KLF12: variants seen among roughly 807,000 people sequenced by gnomAD.
The protein encoded by KLF12 is KLF transcription factor 12, also known as Krueppel-like factor 12.
KLF12 carries 9 observed loss-of-function variants against 37.8 expected under a neutral mutation model. The observed-to-expected ratio is 0.24, with a 90% confidence interval of 0.14 to 0.42. KLF12 has a LOEUF of 0.42. Ranked by LOEUF, KLF12 falls within the 10% of genes least tolerant of loss-of-function variation. The pLI is 1.00. For synonymous variants in KLF12, 208 were observed against 202.1 expected, an observed-to-expected ratio of 1.03 and a Z score of -0.25; for missense variants, 411 against 516.0, an observed-to-expected ratio of 0.80 and a Z score of 1.97.
chr13:74,301,387 T>C, the KLF12 span, among the ~76,000 whole-genome samples: 1 of 152,166 alleles, frequency 6.6e-6, no homozygotes, highest in Admixed American at 6.6e-5. Flanking sequence ...CAATACAGCA[T>C]TTTGTTATTG....
rs185403563 is a variant in KLF12 at position 73,899,007 on chromosome 13, T to C, written c.123+44974A>G. ...TGCAGCAGAAAGAGGCAATGAAGTG[T>C]GATTCTGGTGGCAACAGTGGAGGAA... On this transcript the variant is annotated intron_variant, in intron 3 of 7. Transcript: ENST00000377669. Among the ~76,000 whole-genome samples the C allele has an allele frequency of 1.2e-4, 19 of 152,268 alleles. No homozygotes were observed. The East Asian group carries it at 3.7e-3, about 29-fold the overall frequency.
At chr13:74,159,694 AT>A in the KLF12 span, among the ~76,000 whole-genome samples, 16 of 151,656 alleles carry the variant, frequency 1.1e-4, no homozygotes, top group South Asian at 1.7e-3. Flanking sequence ...CTGCTCTAAA[AT>A]TTTTTTTTCA....
At position 73,819,674 on chromosome 13, in the gene KLF12, C is replaced by G. The variant is rs114238903; in HGVS notation, c.671-6387G>C. ...CAAAAAAGAAAAATATATACTACGT[C>G]AGATAGTAAGTGCCATATAGAAAAA... On this transcript the variant is annotated intron_variant, in intron 4 of 7. Transcript: ENST00000377669. 7.0e-3 allele frequency among the ~76,000 whole-genome samples: 1,070 copies of G among 152,210 alleles called. 10 individuals are homozygous for G. The highest frequency in any genetic ancestry group is 0.022 in the African/African-American group (924 of 41,532).
chr13:74,177,159 G>A, the KLF12 span, among the ~76,000 whole-genome samples: 1,659 of 152,206 alleles, frequency 0.011, 37 homozygotes, highest in African/African-American at 0.038. Context: ...TCTGTTCTAC[G>A]ATAGGGAAGG....
the KLF12 span, among the ~76,000 whole-genome samples, chr13:74,272,803 C>T: frequency 6.6e-6 from 1 of 152,048 alleles, no homozygotes; most frequent in East Asian, 1.9e-4. Context: ...GTTTAGGAAA[C>T]TCAAGAAGTA....
Position 73,694,134 on chromosome 13 carries a change from G to C in KLF12, c.*1356C>G, listed in dbSNP as rs2137536021. The C allele has an allele frequency of 6.5e-6, 1 of 152,728 alleles. No homozygotes were observed. The highest frequency in any genetic ancestry group is 3.4e-3 in the Middle Eastern group (1 of 294). The allele number at this position is 152,728 out of a possible 1,614,324, so 9.5% of individuals were successfully genotyped here. ...GAGTCACTTATCCTTGGCTCTCCAAGAGAGGAAACTAGCACCATGTCGGGC... is the reference window on the plus strand; with the variant it reads ...GAGTCACTTATCCTTGGCTCTCCAACAGAGGAAACTAGCACCATGTCGGGC... On this transcript the variant is annotated 3_prime_UTR_variant, in exon 8 of 8. Transcript: ENST00000377669.
At chr13:73,714,852 C>T (rs1335854277) in intron 7 of KLF12, among the ~76,000 whole-genome samples, 2 of 152,070 alleles carry the variant, frequency 1.3e-5, no homozygotes, top group Non-Finnish European at 2.9e-5. Flanking sequence ...AACTCCTCTC[C>T]CTATATAAAA....
the KLF12 span, among the ~76,000 whole-genome samples, chr13:74,224,792 ATTG>A: frequency 6.6e-6 from 1 of 152,212 alleles, no homozygotes; most frequent in Admixed American, 6.5e-5. Flanking sequence ...TAAGATGGAT[ATTG>A]TTGTAATTTT....
At chr13:73,933,174 T>A (rs774044764) in intron 3 of KLF12, among the ~76,000 whole-genome samples, 4 of 152,180 alleles carry the variant, frequency 2.6e-5, no homozygotes, top group Non-Finnish European at 5.9e-5. Context: ...TGAATTGACA[T>A]CCTTATTATG....
chr13:74,119,124 A>T (rs947089683), intron 1 of KLF12, among the ~76,000 whole-genome samples: 1 of 152,042 alleles, frequency 6.6e-6, no homozygotes, highest in Non-Finnish European at 1.5e-5. Flanking sequence ...CCTGAGGCCA[A>T]GTGTTCAAGA....
At chr13:73,872,103 G>C (rs1886499701) in intron 3 of KLF12, among the ~76,000 whole-genome samples, 1 of 152,054 alleles carries the variant, frequency 6.6e-6, no homozygotes, top group African/African-American at 2.4e-5. Context: ...CCACGTGCTT[G>C]GGTCCTGTGC....
intron 3 of KLF12, among the ~76,000 whole-genome samples, chr13:73,867,807 G>A (rs536674756): frequency 1.6e-3 from 244 of 150,264 alleles, no homozygotes; most frequent in African/African-American, 5.7e-3. Flanking sequence ...CACCATGTTG[G>A]TCAGGCTGGT....
At chr13:74,158,880 A>G in the KLF12 span, among the ~76,000 whole-genome samples, 2 of 152,192 alleles carry the variant, frequency 1.3e-5, no homozygotes, top group Non-Finnish European at 2.9e-5. Flanking sequence ...GAACTAGTAA[A>G]AAGTCACCCA....
At chr13:74,180,941 T>C in the KLF12 span, among the ~76,000 whole-genome samples, 1 of 152,178 alleles carries the variant, frequency 6.6e-6, no homozygotes, top group Non-Finnish European at 1.5e-5. Context: ...AAAAGGTGAT[T>C]TACCAATCTG....
chr13:74,124,187 T>TC (rs1354761104), intron 1 of KLF12, among the ~76,000 whole-genome samples: 1 of 152,262 alleles, frequency 6.6e-6, no homozygotes, highest in East Asian at 1.9e-4. Context: ...AGTTCATTTC[T>TC]TTCTTCAATG....
At chr13:74,188,830 T>G in the KLF12 span, among the ~76,000 whole-genome samples, 1 of 151,976 alleles carries the variant, frequency 6.6e-6, no homozygotes, top group Non-Finnish European at 1.5e-5. Flanking sequence ...ACCCCGTCTT[T>G]ACTAAAAATG....
At chr13:73,836,094 A>G (rs1029040089) in intron 4 of KLF12, among the ~76,000 whole-genome samples, 6 of 152,266 alleles carry the variant, frequency 3.9e-5, no homozygotes, top group East Asian at 1.9e-4. Flanking sequence ...CAATTGGCCA[A>G]TGATCAAAGT....
At chr13:73,797,587 C>T (rs1486258345) in intron 5 of KLF12, among the ~76,000 whole-genome samples, 5 of 151,906 alleles carry the variant, frequency 3.3e-5, no homozygotes, top group Non-Finnish European at 1.5e-5. Context: ...CTGGACAACA[C>T]AGCAAAACCC....
intron 4 of KLF12, among the ~76,000 whole-genome samples, chr13:73,832,606 C>T (rs1162808903): frequency 3.9e-5 from 6 of 152,174 alleles, no homozygotes; most frequent in South Asian, 2.1e-4. Context: ...ATTCGTGCTG[C>T]GGTTTACTTA....
Sources: allele counts gnomAD v4.1 joint callset (sites outside exome capture counted in the v4.1 genomes callset), GRCh38; gene constraint gnomAD v4.1.1; transcripts MANE v1.5; gene names NCBI Gene and HGNC (gene_info 2026-07-23, HGNC 2026-07-21).